WASHC5: variants seen among roughly 807,000 people sequenced by gnomAD.
The protein encoded by WASHC5 is WASH complex subunit strumpellin.
In WASHC5, 101 loss-of-function variants were observed where a neutral mutation model predicts 150.4. That is an observed-to-expected ratio of 0.67 (90% CI 0.57 to 0.79). The LOEUF (loss-of-function observed/expected upper bound fraction) is 0.79, where lower values mean the gene tolerates loss of function less well. WASHC5 is among the 30% of genes least tolerant of loss of function. WASHC5 has a pLI of 0.00. For missense variants in WASHC5, 1,195 were observed against 1,396.3 expected (o/e 0.86, Z 2.30); for synonymous variants, 467 against 491.2 (o/e 0.95, Z 0.65).
chr8:125,067,073 G>A (rs866994809), intron 10 of WASHC5, among the ~76,000 whole-genome samples: 2 of 152,164 alleles, frequency 1.3e-5, no homozygotes, highest in Middle Eastern at 3.2e-3. Flanking sequence ...GGAGTGCAGT[G>A]GTGCGATCTT....
intron 9 of WASHC5, among the ~76,000 whole-genome samples, chr8:125,070,533 G>A (rs1816867552): frequency 6.6e-6 from 1 of 152,210 alleles, no homozygotes. Flanking sequence ...ATGAGGCTGA[G>A]TCACTAGAAA....
chr8:125,033,913 C>T (rs1815617852), intron 26 of WASHC5, among the ~76,000 whole-genome samples: 1 of 152,060 alleles, frequency 6.6e-6, no homozygotes, highest in Non-Finnish European at 1.5e-5. Flanking sequence ...ATAAACTGGA[C>T]ACCATCAACA....
chr8:125,030,447 C>T (rs1215865011), intron 27 of WASHC5, among the ~76,000 whole-genome samples: 2 of 151,926 alleles, frequency 1.3e-5, no homozygotes, highest in Non-Finnish European at 2.9e-5. Flanking sequence ...GTTTGTTGTT[C>T]GATTCATTAA....
intron 25 of WASHC5, among the ~76,000 whole-genome samples, chr8:125,038,585 T>C (rs1294219644): frequency 6.6e-6 from 1 of 152,182 alleles, no homozygotes; most frequent in Non-Finnish European, 1.5e-5. Context: ...ACTAATCTCT[T>C]ACACGGAGGC....
chr8:125,056,285 G>A (rs1480327158), intron 16 of WASHC5, among the ~76,000 whole-genome samples: 1 of 152,176 alleles, frequency 6.6e-6, no homozygotes, highest in Non-Finnish European at 1.5e-5. Flanking sequence ...ATTATTGAGT[G>A]AGCTTAAAAT....
At chr8:125,034,542 G>A (rs947670356) in intron 26 of WASHC5, among the ~76,000 whole-genome samples, 1 of 151,930 alleles carries the variant, frequency 6.6e-6, no homozygotes, top group Non-Finnish European at 1.5e-5. Context: ...AATGACTGAC[G>A]CCACCAAATA....
At chr8:125,084,202 T>C (rs961948243) in intron 1 of WASHC5, among the ~76,000 whole-genome samples, 180 bp from the exon 2 acceptor site, 1 of 152,246 alleles carries the variant, frequency 6.6e-6, no homozygotes, top group African/African-American at 2.4e-5. Context: ...GGGACTTTGC[T>C]AGATTAACAC....
intron 9 of WASHC5, among the ~76,000 whole-genome samples, chr8:125,072,603 G>A (rs1816932501): frequency 6.6e-6 from 1 of 151,976 alleles, no homozygotes; most frequent in Non-Finnish European, 1.5e-5. Flanking sequence ...TGAACTCCTG[G>A]GCTCAAGCTC....
At chr8:125,079,019 TGACTCA>T in intron 5 of WASHC5, 89 bp from the exon 6 acceptor site, 2 of 1,082,540 alleles carry the variant, frequency 1.8e-6, no homozygotes, top group Non-Finnish European at 2.8e-6. Context: ...CATTCTACTT[TGACTCA>T]ATATAGTTTC....
chr8:125,032,412 G>T lies in WASHC5; in HGVS notation c.3182-18C>A. ...GACCATTCCTGCAAGGGAACAAGTT[G>T]CAACACCATATGAAGTACTTGCCTT... On this transcript the variant is annotated intron_variant, in intron 26 of 28. Coordinates refer to ENST00000318410, the MANE Select transcript of WASHC5 (RefSeq NM_014846.4). 6.2e-7 allele frequency: 1 copy of T among 1,613,418 alleles called. No homozygotes were observed. Among genetic ancestry groups the T allele is most frequent in the Non-Finnish European group, 8.5e-7 (1 of 1,179,936 alleles).
At chr8:125,045,524 C>T (rs181153507) in intron 20 of WASHC5, among the ~76,000 whole-genome samples, 23 of 152,178 alleles carry the variant, frequency 1.5e-4, no homozygotes, top group Admixed American at 4.6e-4. Context: ...CCATTCCTGA[C>T]GAATCTGATT....
At chr8:125,031,531 G>T (rs537332131) in intron 27 of WASHC5, among the ~76,000 whole-genome samples, 1 of 152,240 alleles carries the variant, frequency 6.6e-6, no homozygotes, top group South Asian at 2.1e-4. Context: ...TACCCAAAGT[G>T]TTGGGATTAC....
chr8:125,076,533 G>A (rs746735230), intron 6 of WASHC5, 33 bp from the exon 7 acceptor site: 1 of 1,611,790 alleles, frequency 6.2e-7, no homozygotes, highest in South Asian at 1.1e-5. Flanking sequence ...CGAGAAAGCT[G>A]TTGGCAACAT....
intron 14 of WASHC5, 76 bp downstream of exon 14, chr8:125,059,146 G>T: frequency 9.6e-7 from 1 of 1,040,698 alleles, no homozygotes; most frequent in Non-Finnish European, 1.5e-6. Context: ...AAAATCCTGG[G>T]CTGAATTAAT....
In WASHC5 at chr8:125,073,233, T is replaced by A. The variant is rs757190362; in HGVS notation, c.1070A>T (p.Asp357Val). ...GCAGTTCAGAAGCTTTGGGATATTG[T>A]CCAGAACCATCTCCTCCCTTAAATA... ...EGYLREEMVL[D>V]NIPKLLNCLR... The change falls in exon 9 of 29, where the codon GAC (aspartate) becomes GTC (valine). Residue 357 changes from aspartate to valine, a missense_variant. By Grantham distance (152) the Asp-to-Val change is radical (BLOSUM62 -3). Transcript: ENST00000318410. 6.2e-7 allele frequency: 1 copy of A among 1,614,130 alleles called. No homozygotes were observed. Among genetic ancestry groups the A allele is most frequent in the South Asian group, 1.1e-5 (1 of 91,088 alleles).
intron 17 of WASHC5, among the ~76,000 whole-genome samples, chr8:125,052,798 G>C (rs112625620): frequency 6.6e-6 from 1 of 152,110 alleles, no homozygotes; most frequent in African/African-American, 2.4e-5. Flanking sequence ...TTAGATTACA[G>C]ATGCTCCTTG....
chr8:125,058,523 G>A (rs1456790026), intron 14 of WASHC5, among the ~76,000 whole-genome samples: 1 of 152,152 alleles, frequency 6.6e-6, no homozygotes, highest in African/African-American at 2.4e-5. Flanking sequence ...AAGGCAGGAG[G>A]AACATTTGAG....
chr8:125,076,261 T>C (rs1817056546), intron 7 of WASHC5, 87 bp downstream of exon 7: 3 of 1,249,488 alleles, frequency 2.4e-6, no homozygotes, highest in South Asian at 2.4e-5. Context: ...ATTTACAACA[T>C]TACAACCTGT....
intron 20 of WASHC5, among the ~76,000 whole-genome samples, chr8:125,045,485 A>G (rs2130027950): frequency 6.6e-6 from 1 of 152,324 alleles, no homozygotes. Context: ...TCCCTGGTAG[A>G]GCTTGTCTGA....
Sources: allele counts gnomAD v4.1 joint callset (sites outside exome capture counted in the v4.1 genomes callset), GRCh38; gene constraint gnomAD v4.1.1; transcripts MANE v1.5; gene names NCBI Gene and HGNC (gene_info 2026-07-23, HGNC 2026-07-21).